Variants in TTC8 observed in about 807,000 individuals in gnomAD.
TTC8 encodes the protein tetratricopeptide repeat protein 8.
A neutral mutation model predicts 72.5 loss-of-function variants in TTC8; 47 were observed. The ratio of observed to expected loss-of-function variants is 0.65; its 90% confidence interval spans 0.51 to 0.83. TTC8 has a LOEUF of 0.83. Among genes scored for constraint, TTC8 ranks in the 40% least tolerant of loss-of-function variants. The pLI, the probability that TTC8 is intolerant of heterozygous loss-of-function variation, is 0.00. For synonymous variants in TTC8, 199 were observed against 221.4 expected (o/e 0.90, Z 0.90); for missense variants, 611 against 623.2 (o/e 0.98, Z 0.21).
At chr14:88,859,410 A>G (rs546674441) in intron 9 of TTC8, among the ~76,000 whole-genome samples, 2 of 152,294 alleles carry the variant, frequency 1.3e-5, no homozygotes, top group Non-Finnish European at 2.9e-5. Context: ...GCAAACTAAC[A>G]CAGGAACAGA....
chr14:88,874,620 A>G (rs966199775), intron 13 of TTC8, among the ~76,000 whole-genome samples: 3 of 152,146 alleles, frequency 2.0e-5, no homozygotes, highest in African/African-American at 7.2e-5. Flanking sequence ...AAGAAAAGGT[A>G]ATTAGAGCCT....
At chr14:88,841,856 C>G (rs2094783444) in intron 6 of TTC8, among the ~76,000 whole-genome samples, 2 of 152,076 alleles carry the variant, frequency 1.3e-5, no homozygotes, top group African/African-American at 4.8e-5. Flanking sequence ...TTGGACTATT[C>G]TCAGAGAAAT....
intron 1 of TTC8, among the ~76,000 whole-genome samples, chr14:88,831,452 A>G (rs2094725702): frequency 6.6e-6 from 1 of 152,234 alleles, no homozygotes; most frequent in Admixed American, 6.5e-5. Context: ...AGTACCAGCC[A>G]ATAAAGGATT....
intron 13 of TTC8, 77 bp from the exon 14 acceptor site, chr14:88,874,949 C>CA (rs10607562): frequency 0.05 from 46,605 of 926,570 alleles, 37 homozygotes; most frequent in Non-Finnish European, 0.058. Context: ...ATTCTTTTAC[C>CA]AAAAAAAAAA....
intron 1 of TTC8, among the ~76,000 whole-genome samples, chr14:88,833,446 C>G (rs1198752330): frequency 1.3e-5 from 2 of 152,172 alleles, no homozygotes; most frequent in South Asian, 2.1e-4. Flanking sequence ...TAGTTATCAT[C>G]TCTTTGCACT....
upstream of TTC8, chr14:88,824,214 G>A: frequency 6.5e-6 from 1 of 154,574 alleles, no homozygotes; most frequent in South Asian, 1.9e-4. Context: ...ATGGGTGGAT[G>A]GTACTGTGGA....
Position 88,877,313 on chromosome 14 carries a change from G to A in TTC8, c.1451G>A (p.Ser484Asn). 1.4e-5 allele frequency: 23 copies of A among 1,613,642 alleles called. No individual in the cohort carries two copies. Among genetic ancestry groups the A allele is most frequent in the Non-Finnish European group, 1.9e-5 (23 of 1,179,728 alleles). The change falls in exon 15 of 15, where the codon AGC becomes AAC. Residue 484 changes from serine to asparagine, a missense_variant. Ser to Asn is a conservative substitution (Grantham distance 46). Coordinates refer to ENST00000380656, the MANE Select transcript of TTC8 (RefSeq NM_144596.4). ...ISDKIGDLQR[S>N]YVAAQKSEAA... ...TTGCAGATTGGAGATCTGCAGAGAA[G>A]CTATGTTGCTGCGCAGAAGTCTGAA...
At chr14:88,851,262 G>A (rs1732465407) in intron 7 of TTC8, among the ~76,000 whole-genome samples, 1 of 152,160 alleles carries the variant, frequency 6.6e-6, no homozygotes, top group Non-Finnish European at 1.5e-5. Context: ...TTAGCAGCCT[G>A]AGTCTTCATC....
intron 6 of TTC8, among the ~76,000 whole-genome samples, chr14:88,842,376 A>T (rs1351591668): frequency 1.3e-5 from 2 of 152,212 alleles, no homozygotes; most frequent in Non-Finnish European, 2.9e-5. Flanking sequence ...TGAAAAAAAG[A>T]TGCCATTTGG....
rs924744214 is a variant in TTC8, at chr14:88,824,651, A to C, written c.-57A>C. On this transcript the variant is annotated 5_prime_UTR_variant, in exon 1 of 15. Transcript: ENST00000380656. ...CAGAGTCGGACGCCGCCAGCTCTTC[A>C]CTCCACGCCCACCTCTCTCCTGGAG... 6.9e-7 allele frequency: 1 copy of C among 1,448,846 alleles called. No individual in the cohort carries two copies. The highest frequency in any genetic ancestry group is 2.5e-5 in the East Asian group (1 of 40,636). The allele number at this position is 1,448,846 out of a possible 1,614,324, so 89.7% of individuals were successfully genotyped here. A position where few individuals can be genotyped will look rare whatever the true frequency, so the allele number is the denominator to read the frequency against.
intron 9 of TTC8, among the ~76,000 whole-genome samples, chr14:88,857,783 C>A (rs1174808310): frequency 6.6e-6 from 1 of 152,120 alleles, no homozygotes; most frequent in Non-Finnish European, 1.5e-5. Flanking sequence ...TGAGTTTTAT[C>A]ATTTCCTTTA....
chr14:88,851,855 G>C (rs2094835403), intron 7 of TTC8, among the ~76,000 whole-genome samples: 1 of 152,078 alleles, frequency 6.6e-6, no homozygotes, highest in African/African-American at 2.4e-5. Flanking sequence ...CATATTTAAA[G>C]ATCTCCCCTG....
chr14:88,826,831 A>T (rs1361051384), intron 1 of TTC8, among the ~76,000 whole-genome samples: 1 of 152,232 alleles, frequency 6.6e-6, no homozygotes, highest in Non-Finnish European at 1.5e-5. Flanking sequence ...TCCACGAAAC[A>T]GTAGTCCCAA....
chr14:88,824,544 T>A (rs1359188113), upstream of TTC8: 1 of 604,330 alleles, frequency 1.7e-6, no homozygotes, highest in Non-Finnish European at 2.9e-6. Flanking sequence ...GAGTTCTGCT[T>A]GCGGTTGTTT....
At chr14:88,828,777 A>C (rs969327137) in intron 1 of TTC8, among the ~76,000 whole-genome samples, 1 of 152,204 alleles carries the variant, frequency 6.6e-6, no homozygotes, top group African/African-American at 2.4e-5. Flanking sequence ...GTCCTGATAC[A>C]TTAGCTTATT....
At chr14:88,870,314 C>A (rs2141033779) in intron 11 of TTC8, 116 bp downstream of exon 11, 1 of 1,106,322 alleles carries the variant, frequency 9.0e-7, no homozygotes, top group Non-Finnish European at 1.4e-6. Context: ...TTATGAAACT[C>A]AAATGTCAAC....
intron 1 of TTC8, among the ~76,000 whole-genome samples, chr14:88,825,243 C>T (rs1419424134): frequency 1.3e-5 from 2 of 152,196 alleles, no homozygotes; most frequent in Admixed American, 1.3e-4. Context: ...ACATAGCTGC[C>T]TTCTTCCTTT....
In TTC8 at chr14:88,841,243, C is replaced by T. The variant is rs1443717385; in HGVS notation, c.489+47C>T. On this transcript the variant is annotated intron_variant, in intron 5 of 14. Transcript: ENST00000380656. ...ATAGCCTTGTATTACTTTGGTATTACCAAAGTAGCTTTATATTATGGTATA... is the reference window on the plus strand; with the variant it reads ...ATAGCCTTGTATTACTTTGGTATTATCAAAGTAGCTTTATATTATGGTATA... 3 of 1,611,268 alleles carry T rather than the reference C, an allele frequency of 1.9e-6. No homozygotes were observed. The African/African-American group carries it at 4.0e-5, about 22-fold the overall frequency.
chr14:88,852,188 T>A (rs2094836725), intron 7 of TTC8, among the ~76,000 whole-genome samples: 1 of 152,220 alleles, frequency 6.6e-6, no homozygotes, highest in South Asian at 2.1e-4. Context: ...CTACAAAGAC[T>A]GATTTGCTTT....
Sources: gnomAD v4.1 joint callset for allele counts (sites outside exome capture counted in the v4.1 genomes callset) on GRCh38, gnomAD v4.1.1 for gene constraint, MANE v1.5 for transcripts, NCBI Gene and HGNC (gene_info 2026-07-23, HGNC 2026-07-21) for gene names.